The following LIN28B variants were observed in gnomAD, a reference collection of about 807,000 sequenced individuals.
LIN28B encodes the protein protein lin-28 homolog B.
In LIN28B, 5 loss-of-function variants were observed where a neutral mutation model predicts 21.9. That is an observed-to-expected ratio of 0.23 (90% confidence interval 0.12 to 0.48). The LOEUF (loss-of-function observed/expected upper bound fraction) is 0.48. Ranked by LOEUF, LIN28B falls within the 20% of genes least tolerant of loss-of-function variation. The pLI is 0.98. For synonymous variants in LIN28B, 109 were observed against 111.3 expected (o/e 0.98, Z 0.13); for missense variants, 245 against 310.5 (o/e 0.79, Z 1.58).
At chr6:104,985,101 G>A (rs1770307639) in intron 2 of LIN28B, among the ~76,000 whole-genome samples, 1 of 151,892 alleles carries the variant, frequency 6.6e-6, no homozygotes, top group South Asian at 2.1e-4. Flanking sequence ...GAGAAAAAAT[G>A]CACAGTGACA....
At chr6:105,016,883 C>T (rs147841131) in intron 2 of LIN28B, among the ~76,000 whole-genome samples, 1 of 151,300 alleles carries the variant, frequency 6.6e-6, no homozygotes, top group Non-Finnish European at 1.5e-5. Context: ...TTGGCAAGAC[C>T]CCATCTGTAA....
At chr6:105,050,587 C>T (rs1237948555) in intron 3 of LIN28B, among the ~76,000 whole-genome samples, 2 of 111,744 alleles carry the variant, frequency 1.8e-5, no homozygotes, top group South Asian at 3.0e-4. Flanking sequence ...CCAGCCTGGG[C>T]GACAGAGCGA....
At chr6:105,067,702 C>T (rs1235542984) in intron 3 of LIN28B, among the ~76,000 whole-genome samples, 2 of 152,104 alleles carry the variant, frequency 1.3e-5, no homozygotes, top group Non-Finnish European at 2.9e-5. Context: ...TTATTATGCT[C>T]CTTCTCAAGT....
At chr6:104,958,747 A>AT (rs1769644186) in intron 2 of LIN28B, among the ~76,000 whole-genome samples, 1 of 152,148 alleles carries the variant, frequency 6.6e-6, no homozygotes, top group Non-Finnish European at 1.5e-5. Flanking sequence ...TCCCTTTATT[A>AT]TTTCATCGCT....
chr6:104,942,594 T>C (rs1778109667), intron 2 of LIN28B, among the ~76,000 whole-genome samples: 1 of 152,136 alleles, frequency 6.6e-6, no homozygotes, highest in South Asian at 2.1e-4. Flanking sequence ...CAGAAGAGAA[T>C]GTAATAATCA....
chr6:105,039,881 A>T lies in LIN28B; in HGVS notation c.383+13399A>T, dbSNP rs1161794186. 3.3e-5 allele frequency among the ~76,000 whole-genome samples: 5 copies of T among 152,112 alleles called. No individual in the cohort carries two copies. The South Asian group carries it at 1.0e-3, about 31-fold the overall frequency. ...GTTTTGTCTCTTTTCCAAGAGTTGT[A>T]CCTATTCTTTTCTTAGGAATACACT... On this transcript the variant is annotated intron_variant, in intron 3 of 3. Coordinates refer to ENST00000345080, the MANE Select transcript of LIN28B (RefSeq NM_001004317.4).
At chr6:105,045,351 A>C (rs1771733972) in intron 3 of LIN28B, among the ~76,000 whole-genome samples, 1 of 138,370 alleles carries the variant, frequency 7.2e-6, no homozygotes. Context: ...CAGGGTCACT[A>C]TATTGGCTCA....
intron 3 of LIN28B, chr6:105,058,258 G>A (rs530997493): frequency 6.3e-5 from 11 of 175,596 alleles, no homozygotes; most frequent in Non-Finnish European, 1.4e-4. Context: ...TCTCAAGGGG[G>A]AGATCGTTTT....
intron 2 of LIN28B, among the ~76,000 whole-genome samples, chr6:104,960,285 G>A (rs1387491511): frequency 1.3e-5 from 2 of 152,104 alleles, no homozygotes; most frequent in Non-Finnish European, 2.9e-5. Flanking sequence ...TCCTACTGAT[G>A]TTAGCTAAGC....
intron 2 of LIN28B, among the ~76,000 whole-genome samples, chr6:104,972,983 C>T (rs970659652): frequency 6.6e-6 from 1 of 151,662 alleles, no homozygotes; most frequent in Non-Finnish European, 1.5e-5. Context: ...TGGTGGCAGG[C>T]GCCTGTAATC....
At chr6:104,987,602 A>G (rs1770373532) in intron 2 of LIN28B, among the ~76,000 whole-genome samples, 1 of 152,218 alleles carries the variant, frequency 6.6e-6, no homozygotes, top group African/African-American at 2.4e-5. Flanking sequence ...CTGGGATTAC[A>G]GGTGTGAGCC....
At chr6:104,958,381 G>A in intron 2 of LIN28B, 95 bp downstream of exon 2, 1 of 1,018,392 alleles carries the variant, frequency 9.8e-7, no homozygotes, top group Non-Finnish European at 1.4e-6. Context: ...GATGTCCTTC[G>A]GTATATTGAA....
At chr6:105,058,517 A>C (rs1321458076) in intron 3 of LIN28B, among the ~76,000 whole-genome samples, 1 of 152,132 alleles carries the variant, frequency 6.6e-6, no homozygotes, top group East Asian at 1.9e-4. Context: ...TGTTCTGTAG[A>C]TGTCTCCAGA....
At chr6:105,040,882 A>G (rs898775314) in intron 3 of LIN28B, among the ~76,000 whole-genome samples, 3 of 151,946 alleles carry the variant, frequency 2.0e-5, no homozygotes, top group African/African-American at 7.2e-5. Flanking sequence ...TCCTCCTTAT[A>G]TGCAATTGGA....
chr6:105,024,133 C>T (rs1240102489), intron 2 of LIN28B, among the ~76,000 whole-genome samples: 6 of 152,078 alleles, frequency 3.9e-5, no homozygotes, highest in South Asian at 2.1e-4. Context: ...GGATTACAGG[C>T]GAGCGCCACC....
At chr6:104,994,599 G>C (rs1196558466) in intron 2 of LIN28B, among the ~76,000 whole-genome samples, 1 of 152,174 alleles carries the variant, frequency 6.6e-6, no homozygotes, top group Non-Finnish European at 1.5e-5. Flanking sequence ...TTTTTCATTT[G>C]TCAGGGTGTT....
intron 3 of LIN28B, among the ~76,000 whole-genome samples, chr6:105,028,626 G>A (rs529801668): frequency 6.6e-6 from 1 of 152,194 alleles, no homozygotes; most frequent in East Asian, 1.9e-4. Flanking sequence ...AAGATGAAGG[G>A]ACTATTTATC....
intron 2 of LIN28B, among the ~76,000 whole-genome samples, chr6:104,990,039 A>G (rs1562083672): frequency 6.6e-6 from 1 of 152,166 alleles, no homozygotes; most frequent in Non-Finnish European, 1.5e-5. Flanking sequence ...AGTGAAAAAT[A>G]CATTTTAATT....
At chr6:104,942,806 G>A (rs904182050) in intron 2 of LIN28B, among the ~76,000 whole-genome samples, 3 of 152,074 alleles carry the variant, frequency 2.0e-5, no homozygotes, top group African/African-American at 7.2e-5. Context: ...TTACAAGTAG[G>A]ATCAGCTAAT....
Sources: gnomAD v4.1 joint callset for allele counts (sites outside exome capture counted in the v4.1 genomes callset) on GRCh38, gnomAD v4.1.1 for gene constraint, MANE v1.5 for transcripts, NCBI Gene and HGNC (gene_info 2026-07-23, HGNC 2026-07-21) for gene names.